SYT1: variants seen among roughly 807,000 people sequenced by gnomAD.
SYT1 encodes synaptotagmin-1.
SYT1 carries 8 observed loss-of-function variants against 44.8 expected under a neutral mutation model. The ratio of observed to expected loss-of-function variants is 0.18; its 90% confidence interval spans 0.10 to 0.32. The LOEUF is 0.32. SYT1 is among the 10% of genes least tolerant of loss of function. The pLI is 1.00. For synonymous variants in SYT1, 154 were observed against 188.8 expected, an observed-to-expected ratio of 0.82 and a Z score of 1.51; for missense variants, 286 against 509.3, an observed-to-expected ratio of 0.56 and a Z score of 4.22.
At chr12:78,998,645 A>G (rs987981725) in intron 2 of SYT1, among the ~76,000 whole-genome samples, 1 of 152,190 alleles carries the variant, frequency 6.6e-6, no homozygotes, top group Non-Finnish European at 1.5e-5. Context: ...GGGGACTCTC[A>G]AGTTAGATTA....
intron 2 of SYT1, among the ~76,000 whole-genome samples, chr12:79,017,376 A>T (rs1871875589): frequency 6.6e-6 from 1 of 152,204 alleles, no homozygotes; most frequent in South Asian, 2.1e-4. Context: ...CATGTAAGCA[A>T]ATAACCACAA....
At chr12:78,924,014 C>T (rs1462923) in intron 1 of SYT1, among the ~76,000 whole-genome samples, 106,343 of 151,794 alleles carry the variant, frequency 0.7, 39,222 homozygotes, top group African/African-American at 0.92. Context: ...TCTTAATTTG[C>T]GTTTCATGAC....
At chr12:79,407,230 T>G (rs1885274338) in intron 9 of SYT1, among the ~76,000 whole-genome samples, 2 of 152,110 alleles carry the variant, frequency 1.3e-5, no homozygotes, top group Non-Finnish European at 2.9e-5. Flanking sequence ...ATACTCTGTG[T>G]ACTTATACCA....
At chr12:78,864,714 A>C (rs1873433689), upstream of SYT1, 1 of 152,372 alleles carries the variant, frequency 6.6e-6, no homozygotes, top group Non-Finnish European at 1.5e-5. Flanking sequence ...CCGCCTCCTC[A>C]CTGGAGGGAT....
chr12:79,219,014 C>T (rs74428805), intron 4 of SYT1, among the ~76,000 whole-genome samples: 7,370 of 152,132 alleles, frequency 0.048, 281 homozygotes, highest in Middle Eastern at 0.12. Flanking sequence ...TCCACATCCT[C>T]GCCAACACTT....
At chr12:78,934,106 G>A (rs986967479) in intron 1 of SYT1, among the ~76,000 whole-genome samples, 4 of 151,616 alleles carry the variant, frequency 2.6e-5, no homozygotes, top group African/African-American at 7.3e-5. Context: ...ATATATATAT[G>A]TGTGTATATA....
intron 3 of SYT1, among the ~76,000 whole-genome samples, chr12:79,087,830 A>G (rs12320981): frequency 0.15 from 23,036 of 152,064 alleles, 1,856 homozygotes; most frequent in South Asian, 0.19. Flanking sequence ...GCATCTGAAC[A>G]ATTTGCATGG....
At chr12:79,208,781 G>C (rs114302789) in intron 3 of SYT1, among the ~76,000 whole-genome samples, 4 of 152,158 alleles carry the variant, frequency 2.6e-5, no homozygotes, top group Non-Finnish European at 5.9e-5. Flanking sequence ...TTGTATTGTG[G>C]GATTTGTGAC....
At chr12:79,299,256 A>T (rs1880017595) in intron 7 of SYT1, 128 bp from the exon 8 acceptor site, 1 of 1,057,058 alleles carries the variant, frequency 9.5e-7, no homozygotes, top group Non-Finnish European at 1.4e-6. Flanking sequence ...TTTAAAAAAT[A>T]ACCAAAAACA....
intron 3 of SYT1, among the ~76,000 whole-genome samples, chr12:79,070,641 T>C (rs1418861003): frequency 1.3e-5 from 2 of 152,160 alleles, no homozygotes; most frequent in Non-Finnish European, 1.5e-5. Context: ...AAAGCTAAAC[T>C]AGAAAGATGT....
chr12:79,189,465 AC>A (rs1381365223), intron 3 of SYT1, among the ~76,000 whole-genome samples: 2 of 152,204 alleles, frequency 1.3e-5, no homozygotes, highest in African/African-American at 4.8e-5. Context: ...AAAAATGTGA[AC>A]AATTCCCAAA....
chr12:79,107,320 G>C (rs1878771806), intron 3 of SYT1, among the ~76,000 whole-genome samples: 2 of 151,818 alleles, frequency 1.3e-5, no homozygotes, highest in Non-Finnish European at 2.9e-5. Context: ...AAAGTGTAAT[G>C]GTTATCTATT....
chr12:78,875,378 C>T (rs1200907300), intron 1 of SYT1, among the ~76,000 whole-genome samples: 1 of 151,434 alleles, frequency 6.6e-6, no homozygotes, highest in African/African-American at 2.4e-5. Flanking sequence ...CAAAACATTG[C>T]TATGGTACTT....
chr12:79,380,886 T>C (rs896587258), intron 9 of SYT1, among the ~76,000 whole-genome samples: 1 of 152,300 alleles, frequency 6.6e-6, no homozygotes, highest in East Asian at 1.9e-4. Context: ...GGCAACCCCA[T>C]ATGTATGATT....
intron 8 of SYT1, among the ~76,000 whole-genome samples, chr12:79,323,120 T>C (rs541604634): frequency 3.2e-4 from 47 of 146,380 alleles, no homozygotes; most frequent in African/African-American, 1.0e-3. Flanking sequence ...TTTTCTCTCT[T>C]TTTTTTTTTT....
intron 3 of SYT1, among the ~76,000 whole-genome samples, chr12:79,172,223 A>G (rs1345297011): frequency 3.9e-5 from 6 of 152,064 alleles, no homozygotes; most frequent in Admixed American, 1.3e-4. Context: ...TAAACTTCTC[A>G]TATTTTAAAT....
intron 3 of SYT1, among the ~76,000 whole-genome samples, chr12:79,205,208 C>T (rs960216710): frequency 2.0e-5 from 3 of 152,024 alleles, no homozygotes; most frequent in South Asian, 2.1e-4. Flanking sequence ...GTGATCTGCC[C>T]GCCTCGGCCT....
At chr12:79,369,684 G>C (rs1593007388) in intron 9 of SYT1, among the ~76,000 whole-genome samples, 1 of 152,286 alleles carries the variant, frequency 6.6e-6, no homozygotes, top group East Asian at 1.9e-4. Context: ...ACAGTATGTA[G>C]ATGTACCTGT....
chr12:78,972,659 G>A (rs1391258041), intron 1 of SYT1, among the ~76,000 whole-genome samples: 1 of 151,618 alleles, frequency 6.6e-6, no homozygotes, highest in Non-Finnish European at 1.5e-5. Context: ...GAAAATAATT[G>A]ATAAATTAAG....
Sources: gnomAD v4.1 joint callset for allele counts (sites outside exome capture counted in the v4.1 genomes callset) on GRCh38, gnomAD v4.1.1 for gene constraint, MANE v1.5 for transcripts, NCBI Gene and HGNC (gene_info 2026-07-23, HGNC 2026-07-21) for gene names.